The following LARGE1 variants were observed in gnomAD, a reference collection of about 807,000 sequenced individuals.
LARGE1 encodes LARGE xylosyl- and glucuronyltransferase 1, also known as xylosyl- and glucuronyltransferase LARGE1.
In LARGE1, 43 loss-of-function variants were observed where a neutral mutation model predicts 87.6. The observed-to-expected ratio is 0.49, with a 90% CI of 0.38 to 0.63. LARGE1 has a LOEUF of 0.63. Among genes scored for constraint, LARGE1 ranks in the 30% least tolerant of loss-of-function variants. LARGE1 has a pLI of 0.00. For synonymous variants in LARGE1, 434 were observed against 394.6 expected, an observed-to-expected ratio of 1.10 and a Z score of -1.18; for missense variants, 802 against 1,000.2, an observed-to-expected ratio of 0.80 and a Z score of 2.67.
intron 2 of LARGE1, among the ~76,000 whole-genome samples, chr22:33,693,550 GGGCGGT>G (rs1427269484): frequency 6.6e-6 from 1 of 152,198 alleles, no homozygotes; most frequent in Non-Finnish European, 1.5e-5. Flanking sequence ...CCCATGGCTG[GGGCGGT>G]GGCTCACGCC....
At chr22:33,443,074 G>T (rs778721324) in intron 6 of LARGE1, among the ~76,000 whole-genome samples, 1 of 152,134 alleles carries the variant, frequency 6.6e-6, no homozygotes, top group Non-Finnish European at 1.5e-5. Flanking sequence ...TTACAGACGT[G>T]AGCCACTGCA....
Position 33,377,725 on chromosome 22 carries a change from T to C in LARGE1, c.1131+4194A>G, listed in dbSNP as rs139326044. 7.2e-5 allele frequency among the ~76,000 whole-genome samples: 11 copies of C among 152,332 alleles called. No individual in the cohort carries two copies. In the East Asian group the frequency reaches 2.1e-3, roughly 29 times the overall value. On this transcript the variant is annotated intron_variant, in intron 9 of 14. Transcript: ENST00000397394. ...GATAGTCCAATGAGACATATCCCAA[T>C]TTCTTTGCTTCTTTCTCAGTTTTTC... is the stretch of plus-strand genomic sequence containing the variant.
At chr22:33,771,897 C>A (rs192992069) in intron 1 of LARGE1, among the ~76,000 whole-genome samples, 19 of 152,346 alleles carry the variant, frequency 1.2e-4, no homozygotes, top group African/African-American at 4.3e-4. Flanking sequence ...CACGCAATCT[C>A]CAATTCAGGC....
At chr22:33,385,257 CG>C (rs1310802356) in intron 7 of LARGE1, among the ~76,000 whole-genome samples, 1 of 148,160 alleles carries the variant, frequency 6.7e-6, no homozygotes, top group African/African-American at 2.5e-5. Context: ...AAACAACAGC[CG>C]GGTGTGGTGG....
chr22:33,403,378 A>T (rs1056125263), intron 7 of LARGE1, among the ~76,000 whole-genome samples: 1 of 152,212 alleles, frequency 6.6e-6, no homozygotes, highest in African/African-American at 2.4e-5. Context: ...GTTAACATCA[A>T]TAACTGTCAT....
chr22:33,391,015 T>C (rs1263173682), intron 7 of LARGE1, among the ~76,000 whole-genome samples: 1 of 152,090 alleles, frequency 6.6e-6, no homozygotes, highest in African/African-American at 2.4e-5. Flanking sequence ...GTATTTTTAG[T>C]AGAGACAGGG....
intron 6 of LARGE1, among the ~76,000 whole-genome samples, chr22:33,492,052 C>A (rs371760076): frequency 6.6e-6 from 1 of 152,010 alleles, no homozygotes; most frequent in South Asian, 2.1e-4. Context: ...AGAGTGGGTG[C>A]CAGAATAGTG....
At chr22:33,650,250 C>A in intron 3 of LARGE1, 117 bp downstream of exon 3, 1 of 1,308,732 alleles carries the variant, frequency 7.6e-7, no homozygotes, top group Non-Finnish European at 1.1e-6. Context: ...CACACCCGGG[C>A]TAGAATCAAG....
intron 2 of LARGE1, among the ~76,000 whole-genome samples, chr22:33,665,354 G>GT (rs1377809102): frequency 1.3e-5 from 2 of 152,172 alleles, no homozygotes; most frequent in African/African-American, 4.8e-5. Flanking sequence ...TTCAACAACA[G>GT]TATCTCCAGG....
At chr22:33,127,472 C>A in the LARGE1 span, among the ~76,000 whole-genome samples, 1 of 152,194 alleles carries the variant, frequency 6.6e-6, no homozygotes, top group African/African-American at 2.4e-5. Flanking sequence ...ATGTCTTGCT[C>A]AATCCTCAGG....
chr22:33,813,164 T>C (rs1185635744), intron 1 of LARGE1, among the ~76,000 whole-genome samples: 2 of 151,360 alleles, frequency 1.3e-5, no homozygotes, highest in Admixed American at 6.6e-5. Context: ...GAGACTAGCC[T>C]GGCCAACATG....
chr22:33,435,693 G>C (rs2067244763), intron 6 of LARGE1, among the ~76,000 whole-genome samples: 1 of 152,150 alleles, frequency 6.6e-6, no homozygotes. Flanking sequence ...TTCATCTCCA[G>C]AGAAGGAATG....
At chr22:33,744,530 G>C (rs112146574) in intron 2 of LARGE1, among the ~76,000 whole-genome samples, 2 of 152,216 alleles carry the variant, frequency 1.3e-5, no homozygotes, top group Non-Finnish European at 2.9e-5. Flanking sequence ...AAATGACAAC[G>C]TGCTTTCCCA....
At chr22:33,371,447 C>T (rs2147004635) in intron 9 of LARGE1, among the ~76,000 whole-genome samples, 1 of 152,246 alleles carries the variant, frequency 6.6e-6, no homozygotes, top group East Asian at 1.9e-4. Context: ...TGTGTAACTC[C>T]TTGATAAGTA....
At chr22:33,161,292 G>A (rs1423639580), downstream of LARGE1, among the ~76,000 whole-genome samples, 1 of 152,078 alleles carries the variant, frequency 6.6e-6, no homozygotes, top group African/African-American at 2.4e-5. Context: ...GATGAGATTT[G>A]GGTGGGGATA....
At chr22:33,821,645 A>G (rs1405541621) in intron 1 of LARGE1, among the ~76,000 whole-genome samples, 1 of 152,200 alleles carries the variant, frequency 6.6e-6, no homozygotes, top group Non-Finnish European at 1.5e-5. Flanking sequence ...GTCTGCTCCA[A>G]TGATGACTTG....
chr22:33,833,664 T>C (rs996607829), intron 1 of LARGE1, among the ~76,000 whole-genome samples: 3 of 152,172 alleles, frequency 2.0e-5, no homozygotes, highest in African/African-American at 7.2e-5. Flanking sequence ...TTGTGCACAA[T>C]TATTGTCATT....
At chr22:33,466,807 G>A (rs760804803) in intron 6 of LARGE1, among the ~76,000 whole-genome samples, 9 of 152,086 alleles carry the variant, frequency 5.9e-5, no homozygotes, top group Non-Finnish European at 8.8e-5. Context: ...GGGAGGCTGA[G>A]GAGGATGGAT....
At chr22:33,199,135 C>T (rs937997783) in intron 11 of LARGE1, among the ~76,000 whole-genome samples, 21 of 151,394 alleles carry the variant, frequency 1.4e-4, no homozygotes, top group African/African-American at 4.6e-4. Flanking sequence ...ATTTGTCAGC[C>T]GCTTGTATGT....
Sources: allele counts gnomAD v4.1 joint callset (sites outside exome capture counted in the v4.1 genomes callset), GRCh38; gene constraint gnomAD v4.1.1; transcripts MANE v1.5; gene names NCBI Gene and HGNC (gene_info 2026-07-23, HGNC 2026-07-21).